The following SUPT3H variants were observed in gnomAD, a reference collection of about 807,000 sequenced individuals.
The protein encoded by SUPT3H is SPT3 homolog, SAGA and STAGA complex component.
SUPT3H carries 44 observed loss-of-function variants against 44.3 expected under a neutral mutation model. The ratio of observed to expected loss-of-function variants is 0.99; its 90% confidence interval spans 0.78 to 1.28. The LOEUF (loss-of-function observed/expected upper bound fraction) is 1.28, where lower values mean the gene tolerates loss of function less well. Ranked by LOEUF, SUPT3H falls within the 50% of genes most tolerant of loss-of-function variation. The probability of loss-of-function intolerance (pLI) is 0.00; values close to 1 mark genes in which losing one functional copy is unlikely to be tolerated. For synonymous variants in SUPT3H, 124 were observed against 125.6 expected (o/e 0.99, Z 0.09); for missense variants, 380 against 387.1 (o/e 0.98, Z 0.15).
At chr6:44,870,320 G>C (rs1404880251) in intron 10 of SUPT3H, among the ~76,000 whole-genome samples, 1 of 152,318 alleles carries the variant, frequency 6.6e-6, no homozygotes, top group African/African-American at 2.4e-5. Flanking sequence ...ATGTCGGCCA[G>C]GCGTGGTGGT....
At chr6:45,260,633 TTA>T (rs1464752005) in intron 2 of SUPT3H, among the ~76,000 whole-genome samples, 1 of 152,120 alleles carries the variant, frequency 6.6e-6, no homozygotes, top group Non-Finnish European at 1.5e-5. Context: ...TGAATTAACA[TTA>T]ACTACACAAG....
chr6:44,850,031 G>A (rs1358705011), intron 10 of SUPT3H, among the ~76,000 whole-genome samples: 1 of 152,208 alleles, frequency 6.6e-6, no homozygotes, highest in Non-Finnish European at 1.5e-5. Flanking sequence ...AGACATTCAA[G>A]TCTGAGGAGT....
At chr6:44,917,999 G>A (rs76988926) in intron 10 of SUPT3H, among the ~76,000 whole-genome samples, 37 of 152,220 alleles carry the variant, frequency 2.4e-4, no homozygotes, top group African/African-American at 8.9e-4. Flanking sequence ...TTCATTGGGG[G>A]TAATCTAGTG....
chr6:44,895,380 T>TAC (rs1001024184), intron 10 of SUPT3H, among the ~76,000 whole-genome samples: 5 of 151,316 alleles, frequency 3.3e-5, no homozygotes, highest in East Asian at 2.0e-4. Flanking sequence ...CACAGTACCA[T>TAC]ACCTGGCTCA....
At chr6:44,965,971 G>A (rs550491025) in intron 6 of SUPT3H, among the ~76,000 whole-genome samples, 20 of 152,266 alleles carry the variant, frequency 1.3e-4, no homozygotes, top group African/African-American at 3.6e-4. Context: ...GTTTAAGTAC[G>A]TGTTGACCGG....
chr6:45,045,899 CA>C (rs1789316473), intron 3 of SUPT3H, among the ~76,000 whole-genome samples: 1 of 152,024 alleles, frequency 6.6e-6, no homozygotes. Flanking sequence ...TTTCAGAGTG[CA>C]AGTTTTTTAA....
In SUPT3H at chr6:44,954,542, C is replaced by T. The variant is rs1242461092; in HGVS notation, c.646G>A (p.Val216Ile). 2.5e-6 allele frequency: 4 copies of T among 1,613,980 alleles called. No homozygotes were observed. Among genetic ancestry groups the T allele is most frequent in the Non-Finnish European group, 3.4e-6 (4 of 1,180,018 alleles). ...AAATATGCTAAGATTTCCATTGCGACAACATTGGGTTTTATCTCCATACTG... is the reference window on the plus strand; with the variant it reads ...AAATATGCTAAGATTTCCATTGCGATAACATTGGGTTTTATCTCCATACTG... ...CSSMEIKPNV[V>I]AMEILAYLAY... The change falls in exon 8 of 11, where the codon GTC becomes ATC. Residue 216 changes from valine to isoleucine, a missense_variant. Coordinates refer to ENST00000371459, the MANE Select transcript of SUPT3H (RefSeq NM_003599.4).
intron 2 of SUPT3H, among the ~76,000 whole-genome samples, chr6:45,209,481 G>GT (rs1400858095): frequency 3.9e-5 from 6 of 152,224 alleles, no homozygotes; most frequent in Non-Finnish European, 8.8e-5. Flanking sequence ...AGAGCAGGAA[G>GT]TAACTGCTGA....
chr6:44,927,299 C>T (rs1370380089), intron 10 of SUPT3H, among the ~76,000 whole-genome samples: 2 of 151,984 alleles, frequency 1.3e-5, no homozygotes, highest in African/African-American at 4.8e-5. Context: ...GATATATTAA[C>T]AGTAGTTATC....
intron 2 of SUPT3H, among the ~76,000 whole-genome samples, chr6:45,293,556 G>A (rs951235179): frequency 1.6e-4 from 25 of 151,950 alleles, no homozygotes; most frequent in African/African-American, 5.8e-4. Flanking sequence ...CAAAAAGCTG[G>A]TTCTTTCAAA....
intron 10 of SUPT3H, among the ~76,000 whole-genome samples, chr6:44,909,965 C>T (rs962883570): frequency 6.6e-6 from 1 of 152,136 alleles, no homozygotes; most frequent in African/African-American, 2.4e-5. Context: ...TAGCATAGCG[C>T]TTTTGGAAAG....
chr6:44,829,040 G>GCAAGAAATCACTCTGCTCCCCTT lies in SUPT3H; in HGVS notation c.*753_*775dup, dbSNP rs1768144002. 6.6e-6 allele frequency: 1 copy of GCAAGAAATCACTCTGCTCCCCTT among 152,538 alleles called. No homozygotes were observed. The highest frequency in any genetic ancestry group is 2.4e-5 in the African/African-American group (1 of 41,448). 9.4% of individuals were successfully genotyped at this position (152,538 alleles called of 1,614,324 possible). A position where few individuals can be genotyped will look rare whatever the true frequency, so the allele number is the denominator to read the frequency against. On this transcript the variant is annotated 3_prime_UTR_variant, in exon 11 of 11. Transcript: ENST00000371459. ...TGTGGTAGTGCTTTGAAGGGAGGAA[G>GCAAGAAATCACTCTGCTCCCCTT]CAAGAAATCACTCTGCTCCCCTTCT...
chr6:45,030,167 G>C (rs1404981107), intron 3 of SUPT3H, among the ~76,000 whole-genome samples: 1 of 152,122 alleles, frequency 6.6e-6, no homozygotes, highest in Non-Finnish European at 1.5e-5. Context: ...CGACAGAAGC[G>C]TACCTTGAAT....
intron 10 of SUPT3H, among the ~76,000 whole-genome samples, chr6:44,895,538 A>T (rs1764002170): frequency 6.6e-6 from 1 of 152,216 alleles, no homozygotes; most frequent in Non-Finnish European, 1.5e-5. Context: ...TCTCTGAGAA[A>T]TAATGCTCTA....
rs998899420 is a variant in SUPT3H at position 44,893,403 on chromosome 6, G to C, written c.912+39250C>G. 9.5e-5 allele frequency among the ~76,000 whole-genome samples: 14 copies of C among 146,944 alleles called. No individual in the cohort carries two copies. In the South Asian group the frequency reaches 1.3e-3, roughly 14 times the overall value. Reference sequence around the variant, plus strand: ...TGCCCCCACCCCACAACAGTCCCCAGAGTGTGATGTTCCCCTTCCTGTGTC... The same window carrying C: ...TGCCCCCACCCCACAACAGTCCCCACAGTGTGATGTTCCCCTTCCTGTGTC... On this transcript the variant is annotated intron_variant, in intron 10 of 10. Coordinates refer to ENST00000371459, the MANE Select transcript of SUPT3H (RefSeq NM_003599.4).
At chr6:44,901,189 T>C (rs1764979636) in intron 10 of SUPT3H, among the ~76,000 whole-genome samples, 3 of 151,932 alleles carry the variant, frequency 2.0e-5, no homozygotes, top group Non-Finnish European at 2.9e-5. Context: ...CTTTGACAAG[T>C]TGAGAGAAGA....
At chr6:45,061,517 G>C (rs1173489644) in intron 3 of SUPT3H, among the ~76,000 whole-genome samples, 1 of 152,090 alleles carries the variant, frequency 6.6e-6, no homozygotes, top group Non-Finnish European at 1.5e-5. Context: ...CTGATGGGTT[G>C]ATCTGTGCAG....
intron 11 of SUPT3H, among the ~76,000 whole-genome samples, chr6:44,814,252 C>T (rs557661334): frequency 2.6e-5 from 4 of 152,180 alleles, no homozygotes; most frequent in African/African-American, 4.8e-5. Flanking sequence ...CAATTGAAAA[C>T]GAACCAGCCA....
chr6:45,050,092 T>C (rs2153535409), intron 3 of SUPT3H, among the ~76,000 whole-genome samples: 1 of 152,272 alleles, frequency 6.6e-6, no homozygotes, highest in East Asian at 1.9e-4. Flanking sequence ...ATGGCAAGTC[T>C]AGGATTCCAC....
Sources: gnomAD v4.1 joint callset for allele counts (sites outside exome capture counted in the v4.1 genomes callset) on GRCh38, gnomAD v4.1.1 for gene constraint, MANE v1.5 for transcripts, NCBI Gene and HGNC (gene_info 2026-07-23, HGNC 2026-07-21) for gene names.